The following SBF2 variants were observed in gnomAD, a reference collection of about 807,000 sequenced individuals.
SBF2 encodes SET binding factor 2, also known as myotubularin-related protein 13.
SBF2 carries 112 observed loss-of-function variants against 225.2 expected under a neutral mutation model. The observed-to-expected ratio is 0.50, with a 90% CI of 0.43 to 0.58. SBF2 has a LOEUF of 0.58. Ranked by LOEUF, SBF2 falls within the 20% of genes least tolerant of loss-of-function variation. The probability of loss-of-function intolerance (pLI) is 0.00; values close to 1 mark genes in which losing one functional copy is unlikely to be tolerated. For synonymous variants in SBF2, 763 were observed against 773.3 expected, an observed-to-expected ratio of 0.99 and a Z score of 0.22; for missense variants, 1,996 against 2,206.2, an observed-to-expected ratio of 0.90 and a Z score of 1.91.
chr11:10,293,908 G>T, intron 1 of SBF2, 107 bp downstream of exon 1: 3 of 732,736 alleles, frequency 4.1e-6, no homozygotes, highest in Non-Finnish European at 5.5e-6. Flanking sequence ...CCGAGACTCG[G>T]CCTGGCCCTC....
At chr11:10,056,566 C>G (rs139642897) in intron 2 of SBF2, among the ~76,000 whole-genome samples, 650 of 152,220 alleles carry the variant, frequency 4.3e-3, no homozygotes, top group Admixed American at 6.8e-3. Flanking sequence ...GTATAGGAAT[C>G]CTAGTGATTT....
chr11:10,301,817 G>A (rs574613252), intron 1 of SBF2, among the ~76,000 whole-genome samples: 1 of 152,302 alleles, frequency 6.6e-6, no homozygotes, highest in East Asian at 1.9e-4. Flanking sequence ...ATTGGAATGT[G>A]AAGAAGTTGA....
At chr11:10,201,153 A>G (rs2135353652) in intron 1 of SBF2, among the ~76,000 whole-genome samples, 1 of 152,344 alleles carries the variant, frequency 6.6e-6, no homozygotes, top group East Asian at 1.9e-4. Context: ...TTTTGGGTAC[A>G]TGTATTGATT....
At chr11:9,918,660 T>C (rs944941266) in intron 16 of SBF2, among the ~76,000 whole-genome samples, 2 of 152,200 alleles carry the variant, frequency 1.3e-5, no homozygotes, top group Non-Finnish European at 2.9e-5. Flanking sequence ...TATGAGCCAC[T>C]ACGCCTGGCC....
chr11:10,182,779 T>A (rs1400445856), intron 2 of SBF2, among the ~76,000 whole-genome samples: 1 of 151,890 alleles, frequency 6.6e-6, no homozygotes, highest in Non-Finnish European at 1.5e-5. Context: ...TGTTGTTTTT[T>A]AATTTTTTTT....
In SBF2 at chr11:9,961,856, T is replaced by C. The variant is rs16907298; in HGVS notation, c.1860+101A>G. 2.8e-3 allele frequency: 2,934 copies of C among 1,054,120 alleles called. 51 individuals are homozygous for C. In the African/African-American group the frequency reaches 0.041, roughly 15 times the overall value. The allele number at this position is 1,054,120 out of a possible 1,614,324, so 65.3% of individuals were successfully genotyped here. On this transcript the variant is annotated intron_variant, in intron 16 of 39. Transcript: ENST00000256190. ...TACTGACGCTTCATCCTATTAGCTG[T>C]GGTAGGCTCAAGAACTGATATATTG...
At chr11:10,228,361 C>A (rs554551704) in intron 1 of SBF2, among the ~76,000 whole-genome samples, 1 of 152,164 alleles carries the variant, frequency 6.6e-6, no homozygotes, top group African/African-American at 2.4e-5. Context: ...ACACTATGTT[C>A]AATAGGAGTG....
intron 1 of SBF2, among the ~76,000 whole-genome samples, chr11:10,236,040 C>T (rs770256068): frequency 6.6e-6 from 1 of 152,222 alleles, no homozygotes; most frequent in East Asian, 1.9e-4. Flanking sequence ...CACCACACTC[C>T]AGCCTGGGCA....
At chr11:9,884,273 T>C (rs1224580521) in intron 17 of SBF2, among the ~76,000 whole-genome samples, 1 of 152,176 alleles carries the variant, frequency 6.6e-6, no homozygotes, top group Non-Finnish European at 1.5e-5. Flanking sequence ...AGAAACTGTT[T>C]TTGTGAAATG....
chr11:9,826,607 CAT>C (rs931083357), intron 28 of SBF2, among the ~76,000 whole-genome samples: 2 of 151,810 alleles, frequency 1.3e-5, no homozygotes, highest in African/African-American at 4.8e-5. Flanking sequence ...GAAAGCAACA[CAT>C]AGAGTTGCTC....
chr11:10,215,845 G>T (rs916089075), intron 1 of SBF2, among the ~76,000 whole-genome samples: 2 of 152,258 alleles, frequency 1.3e-5, no homozygotes, highest in Middle Eastern at 3.4e-3. Flanking sequence ...TCACATTCAG[G>T]ATAATGACTG....
At chr11:10,034,433 A>G (rs1949365229) in intron 3 of SBF2, among the ~76,000 whole-genome samples, 1 of 152,262 alleles carries the variant, frequency 6.6e-6, no homozygotes, top group Non-Finnish European at 1.5e-5. Context: ...AACTTGATGT[A>G]GCAGATCAGC....
At position 9,978,421 on chromosome 11, in the gene SBF2, C is replaced by A. The variant is rs1257216324; in HGVS notation, c.1396-9876G>T. Reference sequence around the variant, plus strand: ...AATTACGTACCTAGAATATGCCTGGCACTAATAAGTACTTAACTAATAGAA... The same window carrying A: ...AATTACGTACCTAGAATATGCCTGGAACTAATAAGTACTTAACTAATAGAA... On this transcript the variant is annotated intron_variant, in intron 13 of 39. Coordinates refer to ENST00000256190, the MANE Select transcript of SBF2 (RefSeq NM_030962.4). Among the ~76,000 whole-genome samples, 5 of 151,872 alleles carry A rather than the reference C, an allele frequency of 3.3e-5. No homozygotes were observed. In the East Asian group the frequency reaches 7.7e-4, roughly 24 times the overall value.
At chr11:9,815,466 A>T (rs12574297) in intron 29 of SBF2, among the ~76,000 whole-genome samples, 43 of 149,710 alleles carry the variant, frequency 2.9e-4, no homozygotes, top group Admixed American at 8.0e-4. Context: ...ACTTAAAAAA[A>T]ATATAATAAT....
At chr11:10,179,359 AAACAAACAAAAAACAAAAACAAAAAAAC>A (rs1379760047) in intron 2 of SBF2, among the ~76,000 whole-genome samples, 1 of 151,040 alleles carries the variant, frequency 6.6e-6, no homozygotes, top group African/African-American at 2.4e-5. Context: ...ATAAATTAAA[AAACAAACAAAAAACAAAAACAAAAAAAC>A]AAAAAAAAAC....
intron 2 of SBF2, among the ~76,000 whole-genome samples, chr11:10,098,653 A>G (rs1952142814): frequency 6.9e-6 from 1 of 144,040 alleles, no homozygotes; most frequent in Non-Finnish European, 1.5e-5. Context: ...TATATCAACA[A>G]AATACAATCA....
Position 10,267,119 on chromosome 11 carries a change from C to A in SBF2, c.55+26896G>T, listed in dbSNP as rs376252228. Among the ~76,000 whole-genome samples the A allele has an allele frequency of 3.6e-4, 54 of 152,096 alleles. No homozygotes were observed. The Middle Eastern group carries it at 0.01, about 29-fold the overall frequency. On this transcript the variant is annotated intron_variant, in intron 1 of 39. Transcript: ENST00000256190. ...AAATAAATTAAATTAAATTAAATTA[C>A]ATTAAATTAAATTAAAAAGGGAAGG...
At chr11:9,967,866 G>C (rs966638589) in intron 14 of SBF2, among the ~76,000 whole-genome samples, 1 of 150,658 alleles carries the variant, frequency 6.6e-6, no homozygotes, top group Non-Finnish European at 1.5e-5. Flanking sequence ...GGTGAGCCGA[G>C]ATCACACCAT....
chr11:10,027,804 T>C (rs1949104767), intron 6 of SBF2, among the ~76,000 whole-genome samples: 1 of 152,160 alleles, frequency 6.6e-6, no homozygotes, highest in Non-Finnish European at 1.5e-5. Flanking sequence ...AAATTGGAGA[T>C]AAAGTCCTCA....
Sources: allele counts gnomAD v4.1 joint callset (sites outside exome capture counted in the v4.1 genomes callset), GRCh38; gene constraint gnomAD v4.1.1; transcripts MANE v1.5; gene names NCBI Gene and HGNC (gene_info 2026-07-23, HGNC 2026-07-21).